The following IFT140 variants were observed in gnomAD, a reference collection of about 807,000 sequenced individuals.
The protein encoded by IFT140 is intraflagellar transport 140.
A neutral mutation model predicts 164.6 loss-of-function variants in IFT140; 133 were observed. The observed-to-expected ratio is 0.81, with a 90% confidence interval of 0.70 to 0.93. The LOEUF (loss-of-function observed/expected upper bound fraction) is 0.93. Ranked by LOEUF, IFT140 falls within the 40% of genes least tolerant of loss-of-function variation. The pLI, the probability that IFT140 is intolerant of heterozygous loss-of-function variation, is 0.00. For missense variants in IFT140, 2,045 were observed against 1,972.3 expected (o/e 1.04, Z -0.70); for synonymous variants, 860 against 817.3 (o/e 1.05, Z -0.89).
intron 6 of IFT140, among the ~76,000 whole-genome samples, chr16:1,591,276 T>A (rs1414730349): frequency 6.6e-6 from 1 of 152,202 alleles, no homozygotes; most frequent in Non-Finnish European, 1.5e-5. Flanking sequence ...GGCCCCATCC[T>A]GGCACGCCCC....
chr16:1,557,382 G>A (rs78153364), intron 19 of IFT140, among the ~76,000 whole-genome samples: 3,196 of 152,294 alleles, frequency 0.021, 112 homozygotes, highest in African/African-American at 0.072. Context: ...ATCACTGCAC[G>A]TTGAGGGAGG....
chr16:1,581,067 G>T (rs990522863), intron 12 of IFT140, among the ~76,000 whole-genome samples: 5 of 152,180 alleles, frequency 3.3e-5, no homozygotes, highest in African/African-American at 1.2e-4. Flanking sequence ...TGCGGGTCCT[G>T]GGCTGATGTG....
intron 30 of IFT140, among the ~76,000 whole-genome samples, chr16:1,517,634 C>T (rs998586037): frequency 3.3e-5 from 5 of 152,184 alleles, no homozygotes; most frequent in African/African-American, 1.2e-4. Flanking sequence ...TGACTACACG[C>T]TGTCTCTAAA....
rs566910001 is a variant in IFT140 at position 1,519,830 on chromosome 16, C to G, written c.4040+51G>C. ...TGGGGTTTCTCGTGGTCAGCCCCGG[C>G]CCTGTAGTCACATCTGCCCTGGCCT... On this transcript the variant is annotated intron_variant, in intron 29 of 30. Transcript: ENST00000426508. The G allele has an allele frequency of 2.3e-5, 35 of 1,490,038 alleles. No individual in the cohort carries two copies. In the Middle Eastern group the frequency reaches 1.2e-3, roughly 52 times the overall value. The allele number at this position is 1,490,038 out of a possible 1,614,324, so 92.3% of individuals were successfully genotyped here. A position where few individuals can be genotyped will look rare whatever the true frequency, so the allele number is the denominator to read the frequency against.
Position 1,523,954 on chromosome 16 carries a change from C to T in IFT140, c.3144G>A (p.Glu1048=). 1 of 1,611,274 alleles carries T rather than the reference C, an allele frequency of 6.2e-7. No individual in the cohort carries two copies. Among genetic ancestry groups the T allele is most frequent in the South Asian group, 1.1e-5 (1 of 91,004 alleles). ...TCATGAGCTGGTCGTCCAGGCCGTT[C>T]TCCTGCAGGGAGGGAGGCAGGGCCC... ...AFKNAIRLCK[E]NGLDDQLMNL... The change falls in exon 25 of 31, where the codon GAG becomes GAA. Residue 1048 remains glutamate (E), a splice_region_variant and synonymous_variant. Coordinates refer to ENST00000426508, the MANE Select transcript of IFT140 (RefSeq NM_014714.4).
At chr16:1,597,885 T>C (rs906613986) in intron 4 of IFT140, among the ~76,000 whole-genome samples, 3 of 152,180 alleles carry the variant, frequency 2.0e-5, no homozygotes, top group African/African-American at 4.8e-5. Context: ...GCCTCCCAAG[T>C]AGGTGGGACT....
rs1261248444 is a variant in IFT140, at chr16:1,541,861, CTGGCG to C, written c.2400-15070_2400-15066del. On this transcript the variant is annotated intron_variant, in intron 19 of 30. Coordinates refer to ENST00000426508, the MANE Select transcript of IFT140 (RefSeq NM_014714.4). The stretch of plus-strand genomic sequence containing the variant: ...AGAGACCACGAAAGTGGCGTGACGG[CTGGCG>C]TGGCCTCTGGAGCCCACCTGCACTC... 24 of 1,489,280 alleles carry C rather than the reference CTGGCG, an allele frequency of 1.6e-5. No individual in the cohort carries two copies. The East Asian group carries it at 6.0e-4, about 37-fold the overall frequency. The allele number at this position is 1,489,280 out of a possible 1,614,324, so 92.3% of individuals were successfully genotyped here.
Position 1,554,988 on chromosome 16 carries a change from C to T in IFT140, c.2399+2947G>A, listed in dbSNP as rs377642514. 1.7e-5 allele frequency: 27 copies of T among 1,613,450 alleles called. No homozygotes were observed. The highest frequency in any genetic ancestry group is 1.9e-5 in the Non-Finnish European group (23 of 1,179,960). ...CCGCTCCCTGACAGCGCGCTTTCGC[C>T]GTGGGCTGGACAATGACTACGTGGA... On this transcript the variant is annotated intron_variant, in intron 19 of 30. Transcript: ENST00000426508.
intron 19 of IFT140, among the ~76,000 whole-genome samples, chr16:1,539,602 G>A (rs1364901451): frequency 5.3e-5 from 8 of 152,236 alleles, no homozygotes; most frequent in Non-Finnish European, 1.2e-4. Flanking sequence ...AGAGAACCTC[G>A]CGGGAGCGCT....
At chr16:1,558,535 C>T (rs1427977389) in intron 18 of IFT140, among the ~76,000 whole-genome samples, 4 of 152,232 alleles carry the variant, frequency 2.6e-5, no homozygotes, top group South Asian at 2.1e-4. Flanking sequence ...GGGAGGGACG[C>T]GGCTGTGGGC....
At chr16:1,594,713 C>T (rs2035362873) in intron 4 of IFT140, among the ~76,000 whole-genome samples, 1 of 152,228 alleles carries the variant, frequency 6.6e-6, no homozygotes, top group African/African-American at 2.4e-5. Context: ...GACGGCTCCA[C>T]AGGGACAGCC....
chr16:1,518,186 T>A, intron 30 of IFT140, 30 bp downstream of exon 30: 2 of 1,579,262 alleles, frequency 1.3e-6, no homozygotes, highest in Admixed American at 3.4e-5. Context: ...TGTGGCGGGA[T>A]GCTGCTAGTG....
At chr16:1,611,163 C>T (rs1172171334) in intron 1 of IFT140, among the ~76,000 whole-genome samples, 3 of 152,292 alleles carry the variant, frequency 2.0e-5, no homozygotes, top group Admixed American at 1.3e-4. Context: ...CCTGTTCCAT[C>T]GCCGGGCCCC....
At chr16:1,568,021 G>A (rs2033813873) in intron 15 of IFT140, among the ~76,000 whole-genome samples, 196 bp downstream of exon 15, 1 of 152,212 alleles carries the variant, frequency 6.6e-6, no homozygotes, top group Non-Finnish European at 1.5e-5. Context: ...GCTGGGTGAG[G>A]ACCATGCTGG....
rs79579867 is a variant in IFT140, at chr16:1,534,293, C to T, written c.2400-7497G>A. 5,675 of 1,612,326 alleles carry T rather than the reference C, an allele frequency of 3.5e-3. 183 individuals are homozygous for T. In the African/African-American group the frequency reaches 0.066, roughly 19 times the overall value. On this transcript the variant is annotated intron_variant, in intron 19 of 30. Transcript: ENST00000426508. ...CGTCAGCGATGACCGTGCAGAGACT[C>T]GTGGCCGCGGCCGTGCTGGTGGCCC...
chr16:1,586,023 G>C, intron 10 of IFT140, 107 bp downstream of exon 10: 1 of 1,306,362 alleles, frequency 7.7e-7, no homozygotes, highest in East Asian at 2.3e-5. Context: ...CACCCGCCTT[G>C]GCCTCCCAAA....
intron 30 of IFT140, among the ~76,000 whole-genome samples, chr16:1,516,177 A>AAAAAAACC (rs1567318586): frequency 3.5e-5 from 4 of 115,160 alleles, no homozygotes; most frequent in African/African-American, 7.0e-5. Flanking sequence ...AAAAAAAAAA[A>AAAAAAACC]ACACCAGAAA....
At chr16:1,597,734 A>G (rs1357261303) in intron 4 of IFT140, among the ~76,000 whole-genome samples, 3 of 152,210 alleles carry the variant, frequency 2.0e-5, no homozygotes, top group Non-Finnish European at 2.9e-5. Context: ...GACTTGATCA[A>G]CTGATACCTG....
At chr16:1,568,806 C>A (rs1014572940) in intron 14 of IFT140, among the ~76,000 whole-genome samples, 1 of 152,088 alleles carries the variant, frequency 6.6e-6, no homozygotes, top group African/African-American at 2.4e-5. Context: ...CCGTTCTATA[C>A]CTGGAGTTTG....
Sources: gnomAD v4.1 joint callset for allele counts (sites outside exome capture counted in the v4.1 genomes callset) on GRCh38, gnomAD v4.1.1 for gene constraint, MANE v1.5 for transcripts, NCBI Gene and HGNC (gene_info 2026-07-23, HGNC 2026-07-21) for gene names.